The following NPM1 variants were observed in gnomAD, a reference collection of about 807,000 sequenced individuals.
NPM1 encodes nucleophosmin 1, also known as nucleophosmin.
A neutral mutation model predicts 44.1 loss-of-function variants in NPM1; 1 was observed. The observed-to-expected ratio is 0.02, with a 90% CI of 0.01 to 0.11. The LOEUF (loss-of-function observed/expected upper bound fraction) is 0.11, where lower values mean the gene tolerates loss of function less well. Among genes scored for constraint, NPM1 ranks in the 10% least tolerant of loss-of-function variants. The pLI is 1.00. For synonymous variants in NPM1, 126 were observed against 111.8 expected (o/e 1.13, Z -0.80); for missense variants, 197 against 347.8 (o/e 0.57, Z 3.45).
intron 8 of NPM1, among the ~76,000 whole-genome samples, chr5:171,404,662 A>G (rs1356381507): frequency 7.4e-6 from 1 of 135,620 alleles, no homozygotes; most frequent in Non-Finnish European, 1.6e-5. Flanking sequence ...CTGGGCAGCC[A>G]GGCAGAGGGG....
intron 6 of NPM1, among the ~76,000 whole-genome samples, chr5:171,399,009 C>A (rs1771054335): frequency 6.6e-6 from 1 of 152,090 alleles, no homozygotes; most frequent in African/African-American, 2.4e-5. Context: ...CGCCACCATG[C>A]CCGGCTAATT....
chr5:171,389,501 C>T (rs1489522473), intron 1 of NPM1, among the ~76,000 whole-genome samples: 5 of 152,298 alleles, frequency 3.3e-5, no homozygotes, highest in Admixed American at 3.3e-4. Flanking sequence ...AAAGAACCCT[C>T]CTTGTCTTAA....
intron 9 of NPM1, chr5:171,406,332 T>C: frequency 2.1e-6 from 3 of 1,420,088 alleles, no homozygotes; most frequent in Non-Finnish European, 3.0e-6. Flanking sequence ...AATGCTAAAA[T>C]GACATCTTTT....
chr5:171,393,476 C>T (rs1044965777), intron 6 of NPM1, among the ~76,000 whole-genome samples: 5 of 152,160 alleles, frequency 3.3e-5, no homozygotes, highest in Admixed American at 2.6e-4. Flanking sequence ...TTAAGATTTT[C>T]TTGGGATTTA....
upstream of NPM1, chr5:171,387,751 G>T (rs992005655): frequency 1.5e-5 from 9 of 616,798 alleles, no homozygotes; most frequent in Non-Finnish European, 2.6e-5. Context: ...GCTACGGTAC[G>T]GGGGTGGGAG....
chr5:171,393,313 C>T (rs972759782), intron 6 of NPM1, among the ~76,000 whole-genome samples: 63 of 152,140 alleles, frequency 4.1e-4, no homozygotes, highest in African/African-American at 1.5e-3. Flanking sequence ...TTATGGTGAG[C>T]AGTTAATGAG....
chr5:171,407,413 G>T, intron 9 of NPM1: 1 of 383,788 alleles, frequency 2.6e-6, no homozygotes, highest in Non-Finnish European at 4.6e-6. Flanking sequence ...CAACCGAGTT[G>T]CCATGTTTGT....
intron 6 of NPM1, among the ~76,000 whole-genome samples, chr5:171,399,330 C>T (rs113198860): frequency 6.6e-6 from 1 of 152,104 alleles, no homozygotes; most frequent in South Asian, 2.1e-4. Context: ...TACACAGTTA[C>T]AGTTCACTGT....
At chr5:171,403,563 T>C (rs1771352931) in intron 8 of NPM1, among the ~76,000 whole-genome samples, 1 of 111,570 alleles carries the variant, frequency 9.0e-6, no homozygotes, top group Non-Finnish European at 2.0e-5. Flanking sequence ...GAGGGGCTCC[T>C]CACTTCCCAG....
intron 4 of NPM1, 113 bp downstream of exon 4, chr5:171,391,912 C>A: frequency 1.9e-6 from 1 of 536,090 alleles, no homozygotes; most frequent in South Asian, 3.1e-5. Flanking sequence ...TTAATAGGTT[C>A]CAATGTGAGT....
At chr5:171,404,925 C>T (rs1440828273) in intron 8 of NPM1, among the ~76,000 whole-genome samples, 2 of 152,140 alleles carry the variant, frequency 1.3e-5, no homozygotes, top group African/African-American at 4.8e-5. Flanking sequence ...TAAAAGCAAA[C>T]TCCCAAGTTA....
At chr5:171,388,137 TG>T in intron 1 of NPM1, 131 bp downstream of exon 1, 1 of 809,240 alleles carries the variant, frequency 1.2e-6, no homozygotes, top group Non-Finnish European at 2.0e-6. Context: ...CCTGAGCGGG[TG>T]GGAAGAGCTG....
intron 7 of NPM1, 112 bp downstream of exon 7, chr5:171,400,322 T>TACTGAGGGAGATCATCTCAC: frequency 1.6e-6 from 2 of 1,222,756 alleles, no homozygotes; most frequent in Non-Finnish European, 2.3e-6. Context: ...GATCATCTCA[T>TACTGAGGGAGATCATCTCAC]ACTGAAAATT....
In NPM1 at chr5:171,407,630, G is replaced by A; in HGVS notation, c.772-70G>A. On this transcript the variant is annotated intron_variant, in intron 9 of 10. Coordinates refer to ENST00000296930, the MANE Select transcript of NPM1 (RefSeq NM_002520.7). The stretch of plus-strand genomic sequence containing the variant: ...CATGTAGTAGCATGCAGATTATTGA[G>A]GAATTTTCTAAAGGTATCTCTCTCG... The A allele has an allele frequency of 5.7e-6, 5 of 881,866 alleles. No homozygotes were observed. The South Asian group carries it at 6.8e-5, about 12-fold the overall frequency. 54.6% of individuals were successfully genotyped at this position (881,866 alleles called of 1,614,324 possible). A position where few individuals can be genotyped will look rare whatever the true frequency, so the allele number is the denominator to read the frequency against.
chr5:171,408,717 A>G (rs1771685759), intron 10 of NPM1, among the ~76,000 whole-genome samples: 1 of 152,192 alleles, frequency 6.6e-6, no homozygotes, highest in Non-Finnish European at 1.5e-5. Flanking sequence ...TTTATTTGGA[A>G]TACTAAACAT....
At chr5:171,391,203 G>T (rs1272805323) in intron 2 of NPM1, 102 bp from the exon 3 acceptor site, 2 of 1,305,272 alleles carry the variant, frequency 1.5e-6, no homozygotes, top group Non-Finnish European at 2.1e-6. Context: ...TCAGAACCTA[G>T]CCCTGTGGTT....
At chr5:171,389,259 G>A (rs1770444754) in intron 1 of NPM1, among the ~76,000 whole-genome samples, 1 of 152,208 alleles carries the variant, frequency 6.6e-6, no homozygotes, top group African/African-American at 2.4e-5. Flanking sequence ...GCTGAGATTT[G>A]TTAATTAAAC....
At chr5:171,407,467 GGTT>G in intron 9 of NPM1, 1 of 530,372 alleles carries the variant, frequency 1.9e-6, no homozygotes, top group Non-Finnish European at 3.3e-6. Context: ...TTCCTAGAGA[GGTT>G]GTCAGGGAAG....
chr5:171,400,480 A>G (rs2113232354), intron 7 of NPM1, among the ~76,000 whole-genome samples: 1 of 139,140 alleles, frequency 7.2e-6, no homozygotes, highest in South Asian at 2.3e-4. Flanking sequence ...TTTTTTTGAG[A>G]CGGAGTCTCA....
Sources: allele counts gnomAD v4.1 joint callset (sites outside exome capture counted in the v4.1 genomes callset), GRCh38; gene constraint gnomAD v4.1.1; transcripts MANE v1.5; gene names NCBI Gene and HGNC (gene_info 2026-07-23, HGNC 2026-07-21).